The following FBXO34 variants were observed in gnomAD, a reference collection of about 807,000 sequenced individuals.
FBXO34 encodes F-box only protein 34.
In FBXO34, 12 loss-of-function variants were observed where a neutral mutation model predicts 24.5. The ratio of observed to expected loss-of-function variants is 0.49; its 90% CI spans 0.31 to 0.79. The LOEUF (loss-of-function observed/expected upper bound fraction) is 0.79, where lower values mean the gene tolerates loss of function less well. Ranked by LOEUF, FBXO34 falls within the 30% of genes least tolerant of loss-of-function variation. The pLI is 0.04. For synonymous variants in FBXO34, 320 were observed against 311.9 expected, an observed-to-expected ratio of 1.03 and a Z score of -0.27; for missense variants, 823 against 857.7, an observed-to-expected ratio of 0.96 and a Z score of 0.51.
In FBXO34 at chr14:55,352,240, C is replaced by A; in HGVS notation, c.1850C>A (p.Ala617Glu). The change falls in exon 2 of 2, where the codon GCA (alanine) becomes GAA (glutamate). Residue 617 changes from alanine (A) to glutamate (E), a missense_variant. Physicochemically the swap from Ala to Glu is moderately radical, Grantham distance 107 (BLOSUM62 -1). Coordinates refer to ENST00000313833, the MANE Select transcript of FBXO34 (RefSeq NM_017943.4). Reference protein sequence around the residue: ...FIIEYYNIRPADSRWVRDPRY... With the variant: ...FIIEYYNIRPEDSRWVRDPRY... ...ATTGAGTACTACAATATCAGGCCAG[C>A]AGATTCTCGCTGGGTTCGAGATCCA... 1 of 1,614,048 alleles carries A rather than the reference C, an allele frequency of 6.2e-7. No individual in the cohort carries two copies. Among genetic ancestry groups the A allele is most frequent in the Non-Finnish European group, 8.5e-7 (1 of 1,179,994 alleles).
chr14:55,306,709 T>G (rs1882558360), intron 1 of FBXO34, among the ~76,000 whole-genome samples: 1 of 152,186 alleles, frequency 6.6e-6, no homozygotes, highest in South Asian at 2.1e-4. Flanking sequence ...GGCACACGCC[T>G]GTAATCCCAG....
the FBXO34 span, among the ~76,000 whole-genome samples, chr14:55,399,384 A>G: frequency 6.6e-6 from 1 of 152,228 alleles, no homozygotes; most frequent in African/African-American, 2.4e-5. Flanking sequence ...ATCATTGTGG[A>G]AAGTTCTACT....
intron 1 of FBXO34, among the ~76,000 whole-genome samples, chr14:55,325,057 T>G (rs1281493592): frequency 6.6e-6 from 1 of 152,168 alleles, no homozygotes; most frequent in African/African-American, 2.4e-5. Flanking sequence ...AGGCCCCACC[T>G]CCAAATACCT....
At chr14:55,428,218 C>G in the FBXO34 span, among the ~76,000 whole-genome samples, 1 of 146,396 alleles carries the variant, frequency 6.8e-6, no homozygotes, top group Non-Finnish European at 1.5e-5. Flanking sequence ...CAAGCTCCAC[C>G]TCCTGGGTTC....
intron 1 of FBXO34, among the ~76,000 whole-genome samples, chr14:55,273,445 C>T (rs1311640929): frequency 6.6e-6 from 1 of 152,114 alleles, no homozygotes; most frequent in Non-Finnish European, 1.5e-5. Context: ...GAAAGTTGTT[C>T]TGGTTTTTTC....
intron 1 of FBXO34, among the ~76,000 whole-genome samples, chr14:55,328,011 G>A (rs1184839311): frequency 7.0e-5 from 9 of 128,614 alleles, no homozygotes; most frequent in African/African-American, 1.2e-4. Context: ...TGGAGCCTCC[G>A]CCTCCTGGGT....
intron 1 of FBXO34, among the ~76,000 whole-genome samples, chr14:55,319,687 T>C (rs890976597): frequency 1.3e-5 from 2 of 152,222 alleles, no homozygotes; most frequent in Non-Finnish European, 2.9e-5. Flanking sequence ...TCCTGAACTT[T>C]CTTTTTTTAG....
downstream of FBXO34, among the ~76,000 whole-genome samples, chr14:55,370,263 C>T (rs548696542): frequency 9.8e-4 from 149 of 152,216 alleles, no homozygotes; most frequent in South Asian, 2.1e-3. Context: ...GCAGTGTCTA[C>T]GAAGTAAATA....
chr14:55,288,229 G>C (rs934273075), intron 1 of FBXO34, among the ~76,000 whole-genome samples: 2 of 152,234 alleles, frequency 1.3e-5, no homozygotes, highest in African/African-American at 4.8e-5. Context: ...ATTGGTGTGA[G>C]AAACAAGGTT....
chr14:55,344,498 C>G (rs1254839102), intron 1 of FBXO34, among the ~76,000 whole-genome samples: 2 of 151,358 alleles, frequency 1.3e-5, no homozygotes, highest in Non-Finnish European at 2.9e-5. Flanking sequence ...TCCTGGATAT[C>G]TCTGTCTTGT....
At chr14:55,322,708 T>A (rs560731861) in intron 1 of FBXO34, among the ~76,000 whole-genome samples, 1 of 152,204 alleles carries the variant, frequency 6.6e-6, no homozygotes, top group African/African-American at 2.4e-5. Context: ...TGTTTTAACT[T>A]TATGGTGTCT....
the FBXO34 span, among the ~76,000 whole-genome samples, chr14:55,432,058 A>G: frequency 6.6e-6 from 1 of 152,156 alleles, no homozygotes; most frequent in African/African-American, 2.4e-5. Flanking sequence ...AATGTAGAAA[A>G]CAAAGAAAAA....
chr14:55,312,032 T>A (rs1038425910), intron 1 of FBXO34, among the ~76,000 whole-genome samples: 1 of 152,028 alleles, frequency 6.6e-6, no homozygotes, highest in Admixed American at 6.6e-5. Flanking sequence ...AAACTCCGTT[T>A]CTACTAAAAA....
intron 1 of FBXO34, among the ~76,000 whole-genome samples, chr14:55,280,700 G>C (rs1333184694): frequency 2.0e-5 from 3 of 151,850 alleles, no homozygotes; most frequent in African/African-American, 7.3e-5. Context: ...CTAATTTTTT[G>C]TATTTTTAGT....
At chr14:55,395,289 C>T in the FBXO34 span, 28 of 294,232 alleles carry the variant, frequency 9.5e-5, no homozygotes, top group Non-Finnish European at 1.9e-4. Context: ...GCATCTAGAG[C>T]CTCAGCAAAG....
In FBXO34 at chr14:55,353,023, C is replaced by G. The variant is rs1164305447; in HGVS notation, c.*497C>G. ...GGCACCCCACCTTAGACCTCGTATGCTTGATCCTGTGAGATTGATGTTTGT... is the reference window on the plus strand; with the variant it reads ...GGCACCCCACCTTAGACCTCGTATGGTTGATCCTGTGAGATTGATGTTTGT... On this transcript the variant is annotated 3_prime_UTR_variant, in exon 2 of 2. Coordinates refer to ENST00000313833, the MANE Select transcript of FBXO34 (RefSeq NM_017943.4). 1 of 171,542 alleles carries G rather than the reference C, an allele frequency of 5.8e-6. No homozygotes were observed. The highest frequency in any genetic ancestry group is 2.4e-5 in the African/African-American group (1 of 41,480). 10.6% of individuals were successfully genotyped at this position (171,542 alleles called of 1,614,324 possible). A position where few individuals can be genotyped will look rare whatever the true frequency, so the allele number is the denominator to read the frequency against.
intron 1 of FBXO34, among the ~76,000 whole-genome samples, chr14:55,343,691 T>C (rs1884065192): frequency 6.6e-6 from 1 of 152,234 alleles, no homozygotes; most frequent in African/African-American, 2.4e-5. Context: ...TAAGCAAGGC[T>C]GAAGACTAGC....
chr14:55,397,464 A>C, the FBXO34 span: 5 of 1,563,166 alleles, frequency 3.2e-6, no homozygotes, highest in African/African-American at 6.7e-5. Context: ...TGTCTTATTT[A>C]AATGGTCATT....
chr14:55,416,446 A>G, the FBXO34 span, among the ~76,000 whole-genome samples: 3 of 152,196 alleles, frequency 2.0e-5, no homozygotes, highest in African/African-American at 7.2e-5. Context: ...AAGGAAAAAA[A>G]TAAAAAGAGA....
Sources: gnomAD v4.1 joint callset for allele counts (sites outside exome capture counted in the v4.1 genomes callset) on GRCh38, gnomAD v4.1.1 for gene constraint, MANE v1.5 for transcripts, NCBI Gene and HGNC (gene_info 2026-07-23, HGNC 2026-07-21) for gene names.